Variants in DCN observed in about 807,000 individuals in gnomAD.
DCN encodes decorin.
DCN carries 17 observed loss-of-function variants against 36.5 expected under a neutral mutation model. The observed-to-expected ratio is 0.47, with a 90% CI of 0.32 to 0.70. The LOEUF is 0.70. Among genes scored for constraint, DCN ranks in the 30% least tolerant of loss-of-function variants. DCN has a pLI of 0.04. For missense variants in DCN, 389 were observed against 430.1 expected (o/e 0.90, Z 0.84); for synonymous variants, 163 against 161.4 (o/e 1.01, Z -0.07).
intron 5 of DCN, among the ~76,000 whole-genome samples, chr12:91,153,471 C>T (rs1249270451): frequency 1.3e-5 from 2 of 152,010 alleles, no homozygotes; most frequent in African/African-American, 2.4e-5. Flanking sequence ...GAACTGAAGT[C>T]AACGCTGAGT....
intron 5 of DCN, among the ~76,000 whole-genome samples, chr12:91,153,835 G>A (rs575960136): frequency 1.3e-5 from 2 of 152,166 alleles, no homozygotes; most frequent in South Asian, 2.1e-4. Flanking sequence ...AGCACCTGGG[G>A]TAATAATTTT....
At chr12:91,163,409 A>T (rs1882287972) in intron 3 of DCN, among the ~76,000 whole-genome samples, 3 of 152,152 alleles carry the variant, frequency 2.0e-5, no homozygotes, top group African/African-American at 7.2e-5. Context: ...TCTGAAGTAG[A>T]TGCAACCACA....
chr12:91,175,648 T>C (rs1883246034), intron 2 of DCN: 1 of 152,134 alleles, frequency 6.6e-6, no homozygotes, highest in Admixed American at 6.6e-5. Flanking sequence ...GTAGCTTCTC[T>C]CTGCTCATTA....
At chr12:91,159,542 A>G (rs536645695) in intron 3 of DCN, among the ~76,000 whole-genome samples, 1 of 152,076 alleles carries the variant, frequency 6.6e-6, no homozygotes. Flanking sequence ...AAATAAAGAT[A>G]TGGTCAATAT....
chr12:91,164,541 G>T, intron 3 of DCN, 64 bp downstream of exon 3: 1 of 845,692 alleles, frequency 1.2e-6, no homozygotes, highest in Non-Finnish European at 2.0e-6. Context: ...GCCTTATCTA[G>T]GTAGTGTTTT....
In DCN at chr12:91,146,099, C is replaced by CA; in HGVS notation, c.1038dup (p.Val347CysfsTer13). On this transcript the variant is annotated frameshift_variant, in exon 8 of 8. Transcript: ENST00000052754. LOFTEE classifies it high-confidence loss of function. Reference sequence around the variant, plus strand: ...AGTTGAATGGCAGAGCGCACGTAGACACATCTGAAGGTGGATGGCTGTATC... The same window carrying CA: ...AGTTGAATGGCAGAGCGCACGTAGACAACATCTGAAGGTGGATGGCTGTATC... 6.2e-7 allele frequency: 1 copy of CA among 1,614,010 alleles called. No homozygotes were observed.
chr12:91,141,878 T>C lies in DCN; in HGVS notation c.*4180A>G, dbSNP rs184041431. The C allele has an allele frequency of 6.6e-6, 1 of 152,276 alleles. No individual in the cohort carries two copies. Among genetic ancestry groups the C allele is most frequent in the African/African-American group, 2.4e-5 (1 of 41,572 alleles). 9.4% of individuals were successfully genotyped at this position (152,276 alleles called of 1,614,324 possible). A position where few individuals can be genotyped will look rare whatever the true frequency, so the allele number is the denominator to read the frequency against. On this transcript the variant is annotated 3_prime_UTR_variant, in exon 8 of 8. Coordinates refer to ENST00000052754, the MANE Select transcript of DCN (RefSeq NM_001920.5). ...GGAGGCAACTCACCCAGTCCTTTTC[T>C]GGTTATCTTATACTGGGGTAGGGTG...
intron 7 of DCN, among the ~76,000 whole-genome samples, chr12:91,148,643 G>A (rs1592678147): frequency 1.3e-5 from 2 of 148,324 alleles, no homozygotes; most frequent in African/African-American, 2.5e-5. Context: ...TTGAACCCGA[G>A]AGGCGGAGGT....
At chr12:91,163,026 A>G (rs947322893) in intron 3 of DCN, among the ~76,000 whole-genome samples, 3 of 152,242 alleles carry the variant, frequency 2.0e-5, no homozygotes, top group African/African-American at 7.2e-5. Context: ...GTGGTCTACC[A>G]GAATGGAAGT....
intron 1 of DCN, 92 bp downstream of exon 1, chr12:91,182,563 C>A (rs1157048916): frequency 6.7e-6 from 1 of 149,802 alleles, no homozygotes; most frequent in African/African-American, 2.4e-5. Context: ...TTTTCCTTTT[C>A]TTTTTCTCAC....
chr12:91,163,095 T>G lies in DCN; in HGVS notation c.324+1510A>C, dbSNP rs935682773. On this transcript the variant is annotated intron_variant, in intron 3 of 7. Coordinates refer to ENST00000052754, the MANE Select transcript of DCN (RefSeq NM_001920.5). Reference sequence around the variant, plus strand: ...GACATTGAAGTCTGCCTTATTTATATTTAATGTGCACTCATATTTTGATGG... The same window carrying G: ...GACATTGAAGTCTGCCTTATTTATAGTTAATGTGCACTCATATTTTGATGG... 2.6e-5 allele frequency among the ~76,000 whole-genome samples: 4 copies of G among 152,230 alleles called. No homozygotes were observed. In the East Asian group the frequency reaches 5.8e-4, roughly 22 times the overall value.
chr12:91,153,339 C>G, intron 5 of DCN, 150 bp from the exon 6 acceptor site: 2 of 647,660 alleles, frequency 3.1e-6, no homozygotes, highest in Admixed American at 4.5e-5. Context: ...TTTTTCATCC[C>G]TTTTATAATA....
At chr12:91,151,581 C>T (rs1477108628) in intron 7 of DCN, 73 bp downstream of exon 7, 3 of 1,569,702 alleles carry the variant, frequency 1.9e-6, no homozygotes, top group Non-Finnish European at 2.6e-6. Context: ...CTTCCTGCTT[C>T]CCAGCATCCC....
chr12:91,160,591 C>A (rs1341625313), intron 3 of DCN, among the ~76,000 whole-genome samples: 3 of 151,988 alleles, frequency 2.0e-5, no homozygotes, highest in Admixed American at 6.6e-5. Context: ...GTAACTTAAC[C>A]TTTCTGTGCC....
In DCN at chr12:91,145,918, T is replaced by C; in HGVS notation, c.*140A>G. 2.9e-6 allele frequency: 2 copies of C among 701,704 alleles called. No homozygotes were observed. Among genetic ancestry groups the C allele is most frequent in the Non-Finnish European group, 4.8e-6 (2 of 414,634 alleles). 43.5% of individuals were successfully genotyped at this position (701,704 alleles called of 1,614,324 possible). ...TGTAGGCAATTACTTAAACTGGAAA[T>C]TTGGCTTTATGCATAATAAGTCATG... On this transcript the variant is annotated 3_prime_UTR_variant, in exon 8 of 8. Coordinates refer to ENST00000052754, the MANE Select transcript of DCN (RefSeq NM_001920.5).
intron 3 of DCN, 77 bp from the exon 4 acceptor site, chr12:91,158,586 A>G: frequency 1.2e-6 from 1 of 828,360 alleles, no homozygotes; most frequent in Non-Finnish European, 2.1e-6. Flanking sequence ...ATGTTTGTTC[A>G]TTCCATTCAT....
At chr12:91,164,818 T>A in intron 2 of DCN, 101 bp from the exon 3 acceptor site, 4 of 713,416 alleles carry the variant, frequency 5.6e-6, no homozygotes, top group South Asian at 4.6e-5. Flanking sequence ...ATGATGATCA[T>A]CTTAACAGTA....
chr12:91,151,493 A>G (rs1441947261), intron 7 of DCN, 161 bp downstream of exon 7: 1 of 760,266 alleles, frequency 1.3e-6, no homozygotes, highest in African/African-American at 1.8e-5. Context: ...ATTGTGCTTC[A>G]TGATTTAATT....
chr12:91,180,819 A>G (rs577484554), intron 1 of DCN: 5 of 152,290 alleles, frequency 3.3e-5, no homozygotes, highest in Admixed American at 6.5e-5. Context: ...CTAGCCTTGC[A>G]TATTTAATGT....
Sources: gnomAD v4.1 joint callset for allele counts (sites outside exome capture counted in the v4.1 genomes callset) on GRCh38, gnomAD v4.1.1 for gene constraint, MANE v1.5 for transcripts, NCBI Gene and HGNC (gene_info 2026-07-23, HGNC 2026-07-21) for gene names.